The following KIAA1328 variants were observed in gnomAD, a reference collection of about 807,000 sequenced individuals.
KIAA1328 encodes protein hinderin.
A neutral mutation model predicts 68.1 loss-of-function variants in KIAA1328; 52 were observed. That is an observed-to-expected ratio of 0.76 (90% CI 0.61 to 0.96). KIAA1328 has a LOEUF of 0.96. Ranked by LOEUF, KIAA1328 falls within the 40% of genes least tolerant of loss-of-function variation. The pLI, the probability that KIAA1328 is intolerant of heterozygous loss-of-function variation, is 0.00. For synonymous variants in KIAA1328, 232 were observed against 239.4 expected, an observed-to-expected ratio of 0.97 and a Z score of 0.28; for missense variants, 641 against 677.6, an observed-to-expected ratio of 0.95 and a Z score of 0.60.
downstream of KIAA1328, chr18:37,225,376 A>T: frequency 2.2e-6 from 2 of 890,124 alleles, no homozygotes; most frequent in Non-Finnish European, 2.7e-6. Flanking sequence ...ATCCCTCATC[A>T]GATCAGTGAG....
chr18:37,124,132 G>C (rs1053719359), intron 7 of KIAA1328, among the ~76,000 whole-genome samples: 1 of 152,132 alleles, frequency 6.6e-6, no homozygotes, highest in South Asian at 2.1e-4. Flanking sequence ...AGAATGCCTC[G>C]TTGACTAAAT....
chr18:36,969,729 T>C (rs2052098447), intron 6 of KIAA1328, among the ~76,000 whole-genome samples: 3 of 152,182 alleles, frequency 2.0e-5, no homozygotes, highest in African/African-American at 7.2e-5. Flanking sequence ...GTAGCATTCC[T>C]ACTGAAACGA....
intron 6 of KIAA1328, among the ~76,000 whole-genome samples, chr18:37,006,142 A>T (rs950772152): frequency 1.3e-5 from 2 of 152,128 alleles, no homozygotes; most frequent in Admixed American, 1.3e-4. Context: ...ATAAAATATC[A>T]CATGTATGCC....
intron 6 of KIAA1328, among the ~76,000 whole-genome samples, chr18:37,036,822 A>T (rs1381813097): frequency 6.6e-6 from 1 of 152,186 alleles, no homozygotes; most frequent in Admixed American, 6.5e-5. Context: ...TTCTGGTTCA[A>T]ATTTAGTCTA....
chr18:37,098,763 A>T (rs1208981862), intron 7 of KIAA1328, among the ~76,000 whole-genome samples: 1 of 152,042 alleles, frequency 6.6e-6, no homozygotes. Context: ...CCTGTTATTT[A>T]TCTATTAAGA....
At chr18:36,835,131 C>T in intron 2 of KIAA1328, 103 bp from the exon 3 acceptor site, 1 of 817,560 alleles carries the variant, frequency 1.2e-6, no homozygotes, top group South Asian at 2.3e-5. Context: ...GAGTTTCCTC[C>T]ATCAGGTCCC....
rs1231762980 is a variant in KIAA1328, at chr18:37,224,302, C to T, written c.*2075C>T. 1.8e-5 allele frequency: 18 copies of T among 985,256 alleles called. No homozygotes were observed. Among genetic ancestry groups the T allele is most frequent in the Admixed American group, 1.2e-4 (2 of 16,254 alleles). 61.0% of individuals were successfully genotyped at this position (985,256 alleles called of 1,614,324 possible). The stretch of plus-strand genomic sequence containing the variant: ...GAAGCTTGTTTGCCTTTAGAAGAAT[C>T]GTAAACAGAGTCTAAACTAAAGGCT... On this transcript the variant is annotated 3_prime_UTR_variant, in exon 10 of 10. Coordinates refer to ENST00000280020, the MANE Select transcript of KIAA1328 (RefSeq NM_020776.3).
chr18:37,011,564 A>C (rs1490094929), intron 6 of KIAA1328, among the ~76,000 whole-genome samples: 2 of 152,202 alleles, frequency 1.3e-5, no homozygotes, highest in East Asian at 1.9e-4. Flanking sequence ...TGCACATGAA[A>C]GCTGGTATGT....
At chr18:37,110,342 A>G (rs138713468) in intron 7 of KIAA1328, among the ~76,000 whole-genome samples, 2 of 152,390 alleles carry the variant, frequency 1.3e-5, no homozygotes, top group Non-Finnish European at 2.9e-5. Flanking sequence ...AAGGCAAAAT[A>G]GATAGAAGCC....
intron 9 of KIAA1328, among the ~76,000 whole-genome samples, chr18:37,179,072 A>C (rs1330519440): frequency 1.3e-5 from 2 of 152,034 alleles, no homozygotes; most frequent in Non-Finnish European, 2.9e-5. Flanking sequence ...AGAAGCTTTG[A>C]TGTAATCCCA....
At chr18:37,226,024 C>T (rs552439656), downstream of KIAA1328, among the ~76,000 whole-genome samples, 6 of 152,122 alleles carry the variant, frequency 3.9e-5, no homozygotes, top group African/African-American at 1.4e-4. Context: ...TAAGATCCCC[C>T]CTAATTTGAA....
chr18:37,170,131 T>C (rs1457218444), intron 8 of KIAA1328, among the ~76,000 whole-genome samples: 2 of 152,224 alleles, frequency 1.3e-5, no homozygotes, highest in African/African-American at 4.8e-5. Flanking sequence ...CCTGACTTTG[T>C]TCTATCTGTT....
intron 5 of KIAA1328, among the ~76,000 whole-genome samples, chr18:36,958,650 A>G (rs767162101): frequency 2.9e-4 from 44 of 152,162 alleles, no homozygotes; most frequent in Non-Finnish European, 4.6e-4. Flanking sequence ...TGGGAAATGT[A>G]TATTCAAAGC....
At chr18:36,911,205 A>T (rs542367811) in intron 5 of KIAA1328, among the ~76,000 whole-genome samples, 2 of 152,290 alleles carry the variant, frequency 1.3e-5, no homozygotes, top group South Asian at 4.1e-4. Context: ...ACTTTATAAG[A>T]CAGTAAACTA....
At chr18:37,093,861 G>A (rs1183619385) in intron 7 of KIAA1328, among the ~76,000 whole-genome samples, 1 of 152,106 alleles carries the variant, frequency 6.6e-6, no homozygotes, top group East Asian at 1.9e-4. Flanking sequence ...CTATCAAAAG[G>A]CAAAGGCAAA....
chr18:36,991,692 C>T (rs1283409356), intron 6 of KIAA1328, among the ~76,000 whole-genome samples: 2 of 152,174 alleles, frequency 1.3e-5, no homozygotes, highest in African/African-American at 4.8e-5. Context: ...TGTGGTCATA[C>T]TTATGTGGCT....
chr18:36,893,465 T>TGTGTGTGTG (rs1556812094), intron 5 of KIAA1328, among the ~76,000 whole-genome samples: 22 of 120,652 alleles, frequency 1.8e-4, no homozygotes, highest in African/African-American at 4.3e-4. Context: ...GTGTGTGTTT[T>TGTGTGTGTG]TGTGTGTGTG....
At chr18:36,896,329 A>T (rs1391918283) in intron 5 of KIAA1328, among the ~76,000 whole-genome samples, 1 of 152,076 alleles carries the variant, frequency 6.6e-6, no homozygotes, top group Admixed American at 6.6e-5. Flanking sequence ...AATATATATG[A>T]TGTACTCATT....
intron 9 of KIAA1328, among the ~76,000 whole-genome samples, chr18:37,199,180 A>G (rs2060060612): frequency 6.6e-6 from 1 of 152,168 alleles, no homozygotes; most frequent in East Asian, 1.9e-4. Context: ...TTTATTGTAC[A>G]GAATATTTTA....
Sources: allele counts gnomAD v4.1 joint callset (sites outside exome capture counted in the v4.1 genomes callset), GRCh38; gene constraint gnomAD v4.1.1; transcripts MANE v1.5; gene names NCBI Gene and HGNC (gene_info 2026-07-23, HGNC 2026-07-21).